Variants in RRP12 observed in about 807,000 individuals in gnomAD.
RRP12 encodes RRP12-like protein.
Under a neutral mutation model 157.3 loss-of-function variants are expected in RRP12, and 78 were observed. That is an observed-to-expected ratio of 0.50 (90% CI 0.41 to 0.60). The LOEUF is 0.60. Ranked by LOEUF, RRP12 falls within the 20% of genes least tolerant of loss-of-function variation. RRP12 has a pLI of 0.00. For missense variants in RRP12, 1,521 were observed against 1,679.9 expected (o/e 0.91, Z 1.65); for synonymous variants, 726 against 670.9 (o/e 1.08, Z -1.27).
intron 2 of RRP12, among the ~76,000 whole-genome samples, chr10:97,397,000 A>T (rs1290868653): frequency 1.3e-5 from 2 of 152,136 alleles, no homozygotes; most frequent in African/African-American, 2.4e-5. Context: ...CCTGGCCTCA[A>T]GTGATCTGCC....
At chr10:97,395,543 C>T (rs1486861912) in intron 3 of RRP12, among the ~76,000 whole-genome samples, 3 of 141,140 alleles carry the variant, frequency 2.1e-5, no homozygotes, top group Non-Finnish European at 4.6e-5. Context: ...CGGAGTGAGA[C>T]TCTGTTTCAA....
intron 30 of RRP12, among the ~76,000 whole-genome samples, chr10:97,363,526 T>G (rs1233353058): frequency 3.3e-5 from 5 of 152,198 alleles, no homozygotes; most frequent in African/African-American, 7.2e-5. Flanking sequence ...AGCACAGTGC[T>G]GGGCACACAG....
chr10:97,395,692 A>G (rs1844941747), intron 3 of RRP12, among the ~76,000 whole-genome samples: 1 of 151,992 alleles, frequency 6.6e-6, no homozygotes, highest in Non-Finnish European at 1.5e-5. Context: ...CTACTAAAAA[A>G]TACAAAAAAT....
chr10:97,390,286 G>C (rs939246126), intron 6 of RRP12, 137 bp downstream of exon 6: 5 of 701,308 alleles, frequency 7.1e-6, no homozygotes, highest in Non-Finnish European at 1.3e-5. Flanking sequence ...TAAATGCATG[G>C]TGCCTCAGAA....
rs116251887 is a variant in RRP12, at chr10:97,375,025, A to T, written c.1799-1131T>A. On this transcript the variant is annotated intron_variant, in intron 15 of 33. Transcript: ENST00000370992. The stretch of plus-strand genomic sequence containing the variant: ...GTGGAGCGGCGGAGTTGGGATATAA[A>T]CCGTGTCTGTTCGACTCACCATCTG... Among the ~76,000 whole-genome samples the T allele has an allele frequency of 8.0e-3, 1,218 of 152,164 alleles. 18 individuals are homozygous for T. The highest frequency in any genetic ancestry group is 0.028 in the African/African-American group (1,165 of 41,500).
intron 25 of RRP12, 185 bp from the exon 26 acceptor site, chr10:97,367,317 C>T: frequency 1.7e-6 from 1 of 604,708 alleles, no homozygotes; most frequent in Non-Finnish European, 2.9e-6. Context: ...CCATCTTTCC[C>T]CTGCACCCTC....
chr10:97,390,743 C>G lies in RRP12; in HGVS notation c.632G>C (p.Arg211Pro). ...AACTAAACCCCAGACACTAACCCAT[C>G]GGAGGACAGAGGTGGAGCCGCTGCT... Reference protein sequence around the residue: ...QASSGSTSVLRWVLSCLATLL... With the variant: ...QASSGSTSVLPWVLSCLATLL... Residue 211 changes from arginine to proline, a missense_variant, in exon 5 of 34, where the codon CGA becomes CCA. Arg to Pro is a moderately radical substitution (Grantham distance 103, BLOSUM62 -2). Transcript: ENST00000370992. The G allele has an allele frequency of 6.2e-7, 1 of 1,607,098 alleles. No individual in the cohort carries two copies. Among genetic ancestry groups the G allele is most frequent in the Non-Finnish European group, 8.5e-7 (1 of 1,173,576 alleles).
chr10:97,358,616 C>T lies in RRP12; in HGVS notation c.3712G>A (p.Ala1238Thr), dbSNP rs748810925. Residue 1238 changes from alanine (A) to threonine (T), a missense_variant, in exon 33 of 34, where the codon GCA (alanine) becomes ACA (threonine). Physicochemically the swap from Ala to Thr is moderately conservative, Grantham distance 58. Transcript: ENST00000370992. ...MPGAEYKAKK[A>T]KGDVKKKGRP... ...CCTTTCTTCTTCACATCACCTTTTG[C>T]TTTCTGCTTGCCCAGAGAAACAGAG... The T allele has an allele frequency of 6.2e-7, 1 of 1,613,482 alleles. No individual in the cohort carries two copies. The highest frequency in any genetic ancestry group is 8.5e-7 in the Non-Finnish European group (1 of 1,179,534).
chr10:97,398,608 A>G (rs1236823508), intron 2 of RRP12, among the ~76,000 whole-genome samples: 1 of 151,650 alleles, frequency 6.6e-6, no homozygotes, highest in Non-Finnish European at 1.5e-5. Flanking sequence ...CGGCCTCCCA[A>G]AGTGCTAGGA....
At chr10:97,363,726 C>A (rs1029401097) in intron 30 of RRP12, 128 bp downstream of exon 30, 11 of 859,154 alleles carry the variant, frequency 1.3e-5, no homozygotes, top group Admixed American at 3.5e-5. Flanking sequence ...GCTATGCACA[C>A]CTGTGAGGAT....
At chr10:97,383,548 A>G (rs1275563629) in intron 10 of RRP12, among the ~76,000 whole-genome samples, 2 of 152,212 alleles carry the variant, frequency 1.3e-5, no homozygotes, top group Non-Finnish European at 2.9e-5. Flanking sequence ...AACCCAGCAA[A>G]AGAGAGCCAC....
intron 29 of RRP12, among the ~76,000 whole-genome samples, chr10:97,365,467 T>C (rs1259883611): frequency 6.6e-6 from 1 of 151,088 alleles, no homozygotes; most frequent in East Asian, 1.9e-4. Context: ...TAGAGATGGG[T>C]TTTAACCGTG....
intron 15 of RRP12, among the ~76,000 whole-genome samples, chr10:97,374,963 TG>T (rs1844265515): frequency 1.3e-5 from 2 of 152,052 alleles, no homozygotes; most frequent in Non-Finnish European, 2.9e-5. Flanking sequence ...GAGCAGACCC[TG>T]GGAAATTAAA....
At position 97,360,584 on chromosome 10, in the gene RRP12, G is replaced by C. The variant is rs761488611; in HGVS notation, c.3602C>G (p.Ala1201Gly). 2 of 1,614,022 alleles carry C rather than the reference G, an allele frequency of 1.2e-6. No individual in the cohort carries two copies. The highest frequency in any genetic ancestry group is 1.7e-6 in the Non-Finnish European group (2 of 1,179,912). Residue 1201 changes from alanine to glycine, a missense_variant, in exon 31 of 34, where the codon GCT becomes GGT. Physicochemically the swap from Ala to Gly is moderately conservative, Grantham distance 60. Coordinates refer to ENST00000370992, the MANE Select transcript of RRP12 (RefSeq NM_015179.4). ...KHQKLKHQKE[A>G]EEEELEIPPQ... ...GGGTATCTCCAGCTCCTCCTCCTCA[G>C]CCTCTTTCTGGTGCTTGAGCTTCTG... is the stretch of plus-strand genomic sequence containing the variant.
At chr10:97,363,698 C>A (rs1358894491) in intron 30 of RRP12, among the ~76,000 whole-genome samples, 156 bp downstream of exon 30, 1 of 152,220 alleles carries the variant, frequency 6.6e-6, no homozygotes, top group Non-Finnish European at 1.5e-5. Context: ...CTGGCACCCA[C>A]AACCTTCTGG....
At position 97,381,679 on chromosome 10, in the gene RRP12, C is replaced by T. The variant is rs143763974; in HGVS notation, c.1320+36G>A. 1,294 of 1,551,744 alleles carry T rather than the reference C, an allele frequency of 8.3e-4. 10 individuals carry two copies. In the Middle Eastern group the frequency reaches 0.016, roughly 19 times the overall value. ...AAGACAGGGCAGCCCATAGAACCCCCTGTGCTCTCTGCTTCCTCAGCTAAA... is the reference window on the plus strand; with the variant it reads ...AAGACAGGGCAGCCCATAGAACCCCTTGTGCTCTCTGCTTCCTCAGCTAAA... On this transcript the variant is annotated intron_variant, in intron 11 of 33. Transcript: ENST00000370992.
At chr10:97,360,202 T>G (rs1250767059) in intron 31 of RRP12, among the ~76,000 whole-genome samples, 1 of 152,158 alleles carries the variant, frequency 6.6e-6, no homozygotes, top group Non-Finnish European at 1.5e-5. Flanking sequence ...CCTGACTCGG[T>G]TGGTGCTCTT....
chr10:97,368,364 T>C (rs1172032197), intron 25 of RRP12, among the ~76,000 whole-genome samples: 2 of 149,646 alleles, frequency 1.3e-5, no homozygotes, highest in African/African-American at 4.9e-5. Context: ...CTTCTATAAA[T>C]CCCTTTTTTT....
At chr10:97,375,904 G>C (rs928744706) in intron 15 of RRP12, among the ~76,000 whole-genome samples, 16 of 152,262 alleles carry the variant, frequency 1.1e-4, no homozygotes, top group African/African-American at 3.6e-4. Context: ...AGGAGTCCGA[G>C]ACCTGCCTGG....
Sources: gnomAD v4.1 joint callset for allele counts (sites outside exome capture counted in the v4.1 genomes callset) on GRCh38, gnomAD v4.1.1 for gene constraint, MANE v1.5 for transcripts, NCBI Gene and HGNC (gene_info 2026-07-23, HGNC 2026-07-21) for gene names.